MEIOB: variants seen among roughly 807,000 people sequenced by gnomAD.
MEIOB encodes meiosis specific with OB-fold.
Under a neutral mutation model 53.1 loss-of-function variants are expected in MEIOB, and 50 were observed. That is an observed-to-expected ratio of 0.94 (90% CI 0.75 to 1.19). The LOEUF is 1.19. Ranked by LOEUF, MEIOB falls within the 50% of genes most tolerant of loss-of-function variation. The pLI, the probability that MEIOB is intolerant of heterozygous loss-of-function variation, is 0.00. For missense variants in MEIOB, 551 were observed against 550.8 expected, an observed-to-expected ratio of 1.00 and a Z score of 0.00; for synonymous variants, 192 against 182.5, an observed-to-expected ratio of 1.05 and a Z score of -0.42.
chr16:1,836,324 G>C (rs948057786), intron 13 of MEIOB, among the ~76,000 whole-genome samples: 1 of 152,204 alleles, frequency 6.6e-6, no homozygotes, highest in Non-Finnish European at 1.5e-5. Flanking sequence ...CTCTGGGAAA[G>C]TGCAGTATCC....
intron 9 of MEIOB, among the ~76,000 whole-genome samples, chr16:1,846,792 G>T (rs150522538): frequency 6.6e-6 from 1 of 152,200 alleles, no homozygotes; most frequent in East Asian, 1.9e-4. Context: ...ACACACTGGG[G>T]CCTGTTGGGG....
At chr16:1,848,544 CTTT>C (rs749481002) in intron 9 of MEIOB, among the ~76,000 whole-genome samples, 2 of 129,730 alleles carry the variant, frequency 1.5e-5, no homozygotes, top group Admixed American at 8.1e-5. Context: ...TTTTTTTTTC[CTTT>C]TTTTTTTTTT....
intron 9 of MEIOB, among the ~76,000 whole-genome samples, chr16:1,852,251 T>C (rs1427172830): frequency 6.9e-6 from 1 of 145,612 alleles, no homozygotes; most frequent in East Asian, 2.0e-4. Flanking sequence ...ATCTGGTTTT[T>C]CACTTTTTTT....
intron 4 of MEIOB, among the ~76,000 whole-genome samples, chr16:1,861,141 T>G (rs568989092): frequency 8.5e-5 from 13 of 152,294 alleles, no homozygotes; most frequent in African/African-American, 3.1e-4. Flanking sequence ...ATGATGTAAG[T>G]CAATGTTGGA....
chr16:1,844,146 G>A (rs1334663510), intron 10 of MEIOB, among the ~76,000 whole-genome samples: 6 of 144,066 alleles, frequency 4.2e-5, no homozygotes, highest in South Asian at 4.3e-4. Context: ...TTTTTGAGAC[G>A]GGGTCTCGCT....
chr16:1,842,010 T>C, intron 10 of MEIOB, 37 bp from the exon 11 acceptor site: 9 of 1,356,192 alleles, frequency 6.6e-6, no homozygotes, highest in Non-Finnish European at 8.8e-6. Context: ...TCTGTATATA[T>C]TCTAAAAAAT....
chr16:1,862,020 T>A lies in MEIOB; in HGVS notation c.224A>T (p.Lys75Met), dbSNP rs1657125. 1.3e-6 allele frequency: 2 copies of A among 1,551,256 alleles called. No homozygotes were observed. The highest frequency in any genetic ancestry group is 1.2e-5 in the South Asian group (1 of 84,034). The change falls in exon 4 of 14, where the codon AAG becomes ATG. Residue 75 changes from lysine to methionine, a missense_variant. Coordinates refer to ENST00000325962, the MANE Select transcript of MEIOB (RefSeq NM_001163560.3). Reference sequence around the variant, plus strand: ...AACCCTAAAGCTGTCAGAAAGAGACTTGATGTAATCTTCATTGCCCCAGGA... The same window carrying A: ...AACCCTAAAGCTGTCAGAAAGAGACATGATGTAATCTTCATTGCCCCAGGA... ...AASWGNEDYI[K>M]SLSDSFRVGD...
chr16:1,844,122 C>CTTT (rs755682782), intron 10 of MEIOB, among the ~76,000 whole-genome samples: 2 of 129,416 alleles, frequency 1.5e-5, no homozygotes, highest in African/African-American at 5.7e-5. Flanking sequence ...TATTATGTTT[C>CTTT]TTTTTTTTTT....
intron 9 of MEIOB, among the ~76,000 whole-genome samples, chr16:1,849,514 C>T (rs1290257952): frequency 6.9e-5 from 8 of 116,084 alleles, no homozygotes; most frequent in African/African-American, 2.4e-4. Flanking sequence ...CCACTGCACT[C>T]CAGCCTGGGT....
At chr16:1,862,335 C>G (rs1482597581) in intron 3 of MEIOB, among the ~76,000 whole-genome samples, 1 of 152,152 alleles carries the variant, frequency 6.6e-6, no homozygotes, top group Admixed American at 6.6e-5. Context: ...GAATTTCAAG[C>G]TGAAGTGGTA....
At position 1,863,243 on chromosome 16, in the gene MEIOB, T is replaced by A. The variant is rs186957964; in HGVS notation, c.128-1127A>T. 1.0e-3 allele frequency among the ~76,000 whole-genome samples: 155 copies of A among 152,018 alleles called. 1 individual carries two copies. The highest frequency in any genetic ancestry group is 3.7e-3 in the African/African-American group (152 of 41,466). ...ATGAAATGTACACCCAGGCTGGAGT[T>A]CAGTGACGCGATCTCTCGGCTCACT... On this transcript the variant is annotated intron_variant, in intron 3 of 13. Coordinates refer to ENST00000325962, the MANE Select transcript of MEIOB (RefSeq NM_001163560.3).
At chr16:1,849,718 G>C (rs1174487257) in intron 9 of MEIOB, among the ~76,000 whole-genome samples, 3 of 151,982 alleles carry the variant, frequency 2.0e-5, no homozygotes, top group Non-Finnish European at 4.4e-5. Context: ...GCATTCTCGC[G>C]AGTATTCTCC....
chr16:1,861,925 T>G, intron 4 of MEIOB, 60 bp downstream of exon 4: 2 of 1,479,934 alleles, frequency 1.4e-6, no homozygotes, highest in Non-Finnish European at 1.8e-6. Flanking sequence ...ATAGTTACCA[T>G]AAACATACCA....
In MEIOB at chr16:1,855,303, A is replaced by G. The variant is rs185015404; in HGVS notation, c.529-1103T>C. On this transcript the variant is annotated intron_variant, in intron 6 of 13. Coordinates refer to ENST00000325962, the MANE Select transcript of MEIOB (RefSeq NM_001163560.3). The stretch of plus-strand genomic sequence containing the variant: ...AAAAATTAGCTGGGCATGGTGGTAC[A>G]CGCCTGTAGTCCTGGCTACTCGGGA... 1.3e-3 allele frequency among the ~76,000 whole-genome samples: 196 copies of G among 151,898 alleles called. 4 individuals are homozygous for G. The East Asian group carries it at 0.016, about 13-fold the overall frequency.
At chr16:1,837,998 G>GT in intron 12 of MEIOB, 128 bp from the exon 13 acceptor site, 2 of 1,436,072 alleles carry the variant, frequency 1.4e-6, no homozygotes, top group Non-Finnish European at 1.8e-6. Flanking sequence ...CAGCTCAATC[G>GT]TTTGTTTTTG....
chr16:1,849,174 A>G (rs1387193484), intron 9 of MEIOB, among the ~76,000 whole-genome samples: 3 of 152,092 alleles, frequency 2.0e-5, no homozygotes, highest in Non-Finnish European at 4.4e-5. Context: ...TAATCCCAAC[A>G]CTTTGGGAGG....
intron 3 of MEIOB, among the ~76,000 whole-genome samples, chr16:1,863,849 T>C (rs1345632956): frequency 1.3e-5 from 2 of 152,206 alleles, no homozygotes; most frequent in African/African-American, 2.4e-5. Flanking sequence ...AAATTTCATA[T>C]TGGTTTTGCT....
At chr16:1,853,427 T>C (rs1384235012) in intron 7 of MEIOB, among the ~76,000 whole-genome samples, 156 bp from the exon 8 acceptor site, 1 of 152,224 alleles carries the variant, frequency 6.6e-6, no homozygotes, top group East Asian at 1.9e-4. Flanking sequence ...GCCAGCTTCC[T>C]CCTAGGGAGA....
chr16:1,854,822 T>C (rs1160526675), intron 6 of MEIOB, among the ~76,000 whole-genome samples: 1 of 150,776 alleles, frequency 6.6e-6, no homozygotes, highest in Non-Finnish European at 1.5e-5. Flanking sequence ...TCTTGCCCAT[T>C]AAAGCAAGTT....
Sources: gnomAD v4.1 joint callset for allele counts (sites outside exome capture counted in the v4.1 genomes callset) on GRCh38, gnomAD v4.1.1 for gene constraint, MANE v1.5 for transcripts, NCBI Gene and HGNC (gene_info 2026-07-23, HGNC 2026-07-21) for gene names.